Variants in MGAT1 observed in about 807,000 individuals in gnomAD.
MGAT1 encodes the protein alpha-1,3-mannosyl-glycoprotein 2-beta-N-acetylglucosaminyltransferase.
MGAT1 carries 14 observed loss-of-function variants against 31.7 expected under a neutral mutation model. That is an observed-to-expected ratio of 0.44 (90% CI 0.29 to 0.69). MGAT1 has a LOEUF of 0.69. Among genes scored for constraint, MGAT1 ranks in the 30% least tolerant of loss-of-function variants. MGAT1 has a pLI of 0.12. For missense variants in MGAT1, 557 were observed against 626.0 expected (o/e 0.89, Z 1.18); for synonymous variants, 338 against 276.0 (o/e 1.22, Z -2.23).
rs1436605698 is a variant in MGAT1, at chr5:180,790,992, G to A, written c.*642C>T. The A allele has an allele frequency of 6.5e-6, 1 of 152,674 alleles. No homozygotes were observed. The highest frequency in any genetic ancestry group is 1.5e-5 in the Non-Finnish European group (1 of 68,440). The allele number at this position is 152,674 out of a possible 1,614,324, so 9.5% of individuals were successfully genotyped here. ...ACCTCTCTCCTGACAGCTGGGCATG[G>A]GCTGAGGAGAGGTCTTGCTTGCCCC... On this transcript the variant is annotated 3_prime_UTR_variant, in exon 2 of 2. Coordinates refer to ENST00000307826, the MANE Select transcript of MGAT1 (RefSeq NM_002406.4).
rs755192044 is a variant in MGAT1 at position 180,792,669 on chromosome 5, G to A, written c.303C>T (p.Pro101=). 3.8e-6 allele frequency: 6 copies of A among 1,574,196 alleles called. No homozygotes were observed. The highest frequency in any genetic ancestry group is 1.2e-5 in the South Asian group (1 of 84,798). Residue 101 remains proline (P), a synonymous_variant, in exon 2 of 2, where the codon CCC becomes CCT. Coordinates refer to ENST00000307826, the MANE Select transcript of MGAT1 (RefSeq NM_002406.4). ...CCAGGATGGGAATCACCGCCGGCGCGGGGGTCACAGGCACACGCGGCTGGG... is the reference window on the plus strand; with the variant it reads ...CCAGGATGGGAATCACCGCCGGCGCAGGGGTCACAGGCACACGCGGCTGGG... ...PPAQPRVPVT[P]APAVIPILVI... is the part of the protein sequence containing the mutation.
chr5:180,794,005 G>A (rs1430811726), intron 1 of MGAT1, among the ~76,000 whole-genome samples: 2 of 152,026 alleles, frequency 1.3e-5, no homozygotes. Context: ...TAGACGAACT[G>A]ACAGTAAAGT....
At chr5:180,799,117 G>A (rs1209820676) in intron 1 of MGAT1, among the ~76,000 whole-genome samples, 1 of 152,124 alleles carries the variant, frequency 6.6e-6, no homozygotes, top group Non-Finnish European at 1.5e-5. Flanking sequence ...AAGTACACCT[G>A]GTCACGACAT....
In MGAT1 at chr5:180,814,866, G is replaced by A. The variant is rs547164713; in HGVS notation, c.-546+548C>T. ...GAGGCAGGAGAATCGCTTGAACCCG[G>A]GGGGGCGGTGGTTGCAGTGAGCTGA... On this transcript the variant is annotated intron_variant, in intron 1 of 2. Transcript: ENST00000333055. 2.3e-4 allele frequency among the ~76,000 whole-genome samples: 35 copies of A among 152,034 alleles called. No individual in the cohort carries two copies. In the South Asian group the frequency reaches 6.7e-3, roughly 29 times the overall value.
chr5:180,794,411 T>TTATA lies in MGAT1; in HGVS notation c.-126-1318_-126-1315dup, dbSNP rs1554130047. On this transcript the variant is annotated intron_variant, in intron 1 of 1. Coordinates refer to ENST00000307826, the MANE Select transcript of MGAT1 (RefSeq NM_002406.4). ...TCTGTCTCAAAAAAATTTTTTTTTA[T>TTATA]TATATATATATATATATGGCATACT... Among the ~76,000 whole-genome samples, 18 of 142,032 alleles carry TTATA rather than the reference T, an allele frequency of 1.3e-4. No individual in the cohort carries two copies. In the East Asian group the frequency reaches 2.6e-3, roughly 20 times the overall value. The allele number at this position is 142,032 out of a possible 152,430, so 93.2% of individuals were successfully genotyped here.
At position 180,799,873 on chromosome 5, in the gene MGAT1, C is replaced by T. The variant is rs566641900; in HGVS notation, c.-127+2807G>A. ...ACCTGGTCCTCTTAAGATGCTGACT[C>T]CTAGGACCCTGCTATATGGACAGGA... On this transcript the variant is annotated intron_variant, in intron 1 of 1. Coordinates refer to ENST00000307826, the MANE Select transcript of MGAT1 (RefSeq NM_002406.4). 7.9e-5 allele frequency among the ~76,000 whole-genome samples: 12 copies of T among 152,270 alleles called. No homozygotes were observed. In the South Asian group the frequency reaches 2.5e-3, roughly 32 times the overall value.
In MGAT1 at chr5:180,791,988, G is replaced by A; in HGVS notation, c.984C>T (p.His328=). 6.2e-7 allele frequency: 1 copy of A among 1,614,174 alleles called. No homozygotes were observed. Among genetic ancestry groups the A allele is most frequent in the Non-Finnish European group, 8.5e-7 (1 of 1,180,040 alleles). ...GVSHGQFFDQ[H]LKFIKLNQQF... ...GCTGGTTCAGCTTGATAAACTTGAG[G>A]TGCTGGTCAAAGAACTGCCCGTGGC... Residue 328 remains histidine, a synonymous_variant, in exon 2 of 2, where the codon CAC becomes CAT. Transcript: ENST00000307826.
At chr5:180,810,128 CA>C (rs1772392392) in intron 1 of MGAT1, 1 of 151,452 alleles carries the variant, frequency 6.6e-6, no homozygotes, top group Admixed American at 6.6e-5. Flanking sequence ...AGCGCTGGCC[CA>C]GGCCCCACCC....
chr5:180,809,993 C>G, intron 1 of MGAT1: 1 of 152,232 alleles, frequency 6.6e-6, no homozygotes, highest in Non-Finnish European at 1.5e-5. Context: ...GACCCCCACC[C>G]GTCCGCCCTG....
At chr5:180,793,215 G>C (rs1230897191) in intron 1 of MGAT1, 118 bp from the exon 2 acceptor site, 1 of 574,912 alleles carries the variant, frequency 1.7e-6, no homozygotes, top group Non-Finnish European at 3.1e-6. Flanking sequence ...AGGCCAGGAG[G>C]TTGACTCCAG....
intron 1 of MGAT1, among the ~76,000 whole-genome samples, chr5:180,798,396 T>C (rs1769961724): frequency 6.6e-6 from 1 of 152,152 alleles, no homozygotes; most frequent in African/African-American, 2.4e-5. Context: ...TCTGCCAAGA[T>C]GCCTTCCTTG....
chr5:180,788,612 C>G lies in MGAT1; in HGVS notation c.*3022G>C, dbSNP rs568670286. 6.6e-6 allele frequency: 1 copy of G among 152,408 alleles called. No homozygotes were observed. Among genetic ancestry groups the G allele is most frequent in the South Asian group, 2.1e-4 (1 of 4,830 alleles). The allele number at this position is 152,408 out of a possible 1,614,324, so 9.4% of individuals were successfully genotyped here. On this transcript the variant is annotated 3_prime_UTR_variant, in exon 2 of 2. Transcript: ENST00000307826. ...AAAACAGGAGCAAAACAGTACCCACCGCCTAGGCTTGCTCTGAGGATCAAG... is the reference window on the plus strand; with the variant it reads ...AAAACAGGAGCAAAACAGTACCCACGGCCTAGGCTTGCTCTGAGGATCAAG...
upstream of MGAT1, among the ~76,000 whole-genome samples, chr5:180,804,277 A>G (rs1771517609): frequency 6.6e-6 from 1 of 152,016 alleles, no homozygotes; most frequent in Non-Finnish European, 1.5e-5. Context: ...CCTGGTGGGG[A>G]GCATAGCCAG....
In MGAT1 at chr5:180,788,588, A is replaced by G. The variant is rs1027771814; in HGVS notation, c.*3046T>C. 1.3e-5 allele frequency: 2 copies of G among 152,348 alleles called. No homozygotes were observed. The highest frequency in any genetic ancestry group is 2.9e-5 in the Non-Finnish European group (2 of 68,140). 9.4% of individuals were successfully genotyped at this position (152,348 alleles called of 1,614,324 possible). On this transcript the variant is annotated 3_prime_UTR_variant, in exon 2 of 2. Coordinates refer to ENST00000307826, the MANE Select transcript of MGAT1 (RefSeq NM_002406.4). ...CTGTGTGCCTGCTTCCTCACTGGTAAAACAGGAGCAAAACAGTACCCACCG... is the reference window on the plus strand; with the variant it reads ...CTGTGTGCCTGCTTCCTCACTGGTAGAACAGGAGCAAAACAGTACCCACCG...
Position 180,802,456 on chromosome 5 carries a change from G to A in MGAT1, c.-127+224C>T, listed in dbSNP as rs547389025. 2.7e-3 allele frequency among the ~76,000 whole-genome samples: 415 copies of A among 152,260 alleles called. 1 individual carries two copies. Among genetic ancestry groups the A allele is most frequent in the African/African-American group, 9.5e-3 (396 of 41,548 alleles). On this transcript the variant is annotated intron_variant, in intron 1 of 1. Coordinates refer to ENST00000307826, the MANE Select transcript of MGAT1 (RefSeq NM_002406.4). ...CCCGCCCTTCCTCTAACAGCTGGAGGCCCGGGATTCCGAAAGCAGAAGGCG... is the reference window on the plus strand; with the variant it reads ...CCCGCCCTTCCTCTAACAGCTGGAGACCCGGGATTCCGAAAGCAGAAGGCG...
At position 180,792,806 on chromosome 5, in the gene MGAT1, G is replaced by C. The variant is rs1189091600; in HGVS notation, c.166C>G (p.Arg56Gly). Residue 56 changes from arginine to glycine, a missense_variant, in exon 2 of 2, where the codon CGC (arginine) becomes GGC (glycine). By Grantham distance (125) the Arg-to-Gly change is moderately radical. Transcript: ENST00000307826. ...DPASLTREVI[R>G]LAQDAEVELE... The stretch of plus-strand genomic sequence containing the variant: ...TCCACCTCGGCGTCTTGGGCCAGGC[G>C]AATCACTTCCCGGGTGAGGCTGGCG... 40 of 1,557,396 alleles carry C rather than the reference G, an allele frequency of 2.6e-5. No individual in the cohort carries two copies. The highest frequency in any genetic ancestry group is 3.5e-5 in the Non-Finnish European group (40 of 1,151,258).
chr5:180,795,225 T>C (rs1427141368), intron 1 of MGAT1, among the ~76,000 whole-genome samples: 2 of 151,834 alleles, frequency 1.3e-5, no homozygotes, highest in East Asian at 3.9e-4. Flanking sequence ...ATTAGGAAGC[T>C]TCTAGAAGGG....
At chr5:180,803,055 T>C (rs991127922), upstream of MGAT1, among the ~76,000 whole-genome samples, 3 of 151,874 alleles carry the variant, frequency 2.0e-5, no homozygotes, top group Non-Finnish European at 4.4e-5. Context: ...ACCCTGAGGG[T>C]GGACGCCCGA....
In MGAT1 at chr5:180,785,257, C is replaced by T. The variant is rs570690493; in HGVS notation, c.*6377G>A. On this transcript the variant is annotated 3_prime_UTR_variant, in exon 2 of 2. Transcript: ENST00000307826. ...ATTCTGGTCACATAAAATCTTCCAC[C>T]GTTTCAAGGACAGAACACAGTATCC... 7 of 152,338 alleles carry T rather than the reference C, an allele frequency of 4.6e-5. No individual in the cohort carries two copies. The highest frequency in any genetic ancestry group is 2.1e-4 in the South Asian group (1 of 4,822). 9.4% of individuals were successfully genotyped at this position (152,338 alleles called of 1,614,324 possible).
Sources: allele counts gnomAD v4.1 joint callset (sites outside exome capture counted in the v4.1 genomes callset), GRCh38; gene constraint gnomAD v4.1.1; transcripts MANE v1.5; gene names NCBI Gene and HGNC (gene_info 2026-07-23, HGNC 2026-07-21).